The following SLC7A8 variants were observed in gnomAD, a reference collection of about 807,000 sequenced individuals.
SLC7A8 encodes the protein large neutral amino acids transporter small subunit 2.
A neutral mutation model predicts 51.2 loss-of-function variants in SLC7A8; 30 were observed. That is an observed-to-expected ratio of 0.59 (90% CI 0.44 to 0.80). The LOEUF is 0.80. Among genes scored for constraint, SLC7A8 ranks in the 30% least tolerant of loss-of-function variants. The pLI is 0.00. For missense variants in SLC7A8, 612 were observed against 674.4 expected (o/e 0.91, Z 1.03); for synonymous variants, 257 against 275.8 (o/e 0.93, Z 0.67).
At chr14:23,166,259 T>C (rs896030301) in intron 2 of SLC7A8, 77 bp downstream of exon 2, 2 of 1,535,750 alleles carry the variant, frequency 1.3e-6, no homozygotes, top group Non-Finnish European at 1.8e-6. Context: ...TGGCCTTGGC[T>C]TTTTCCAATC....
intron 4 of SLC7A8, among the ~76,000 whole-genome samples, chr14:23,142,475 T>C (rs1171282057): frequency 6.6e-6 from 1 of 152,140 alleles, no homozygotes; most frequent in Non-Finnish European, 1.5e-5. Flanking sequence ...AAAAAGACAA[T>C]AGGAATCTAG....
intron 3 of SLC7A8, among the ~76,000 whole-genome samples, chr14:23,152,229 A>G (rs1201532938): frequency 1.3e-5 from 2 of 152,026 alleles, no homozygotes; most frequent in East Asian, 3.9e-4. Flanking sequence ...TCCTGGGCTC[A>G]AGCAGTCCTC....
chr14:23,129,672 G>C lies in SLC7A8; in HGVS notation c.1241C>G (p.Pro414Arg). ...AGQIVLRWKKPDIPRPIKINL... is the reference protein window; with the variant it reads ...AGQIVLRWKKRDIPRPIKINL... ...CACCTTGATGGGGCGGGGGATATCA[G>C]GCTTCTTCCAGCGAAGGACTATCTG... Residue 414 changes from proline to arginine, a missense_variant, in exon 9 of 11, where the codon CCT becomes CGT. Physicochemically the swap from Pro to Arg is moderately radical, Grantham distance 103 (BLOSUM62 -2). Coordinates refer to ENST00000316902, the MANE Select transcript of SLC7A8 (RefSeq NM_012244.4). 1 of 1,614,170 alleles carries C rather than the reference G, an allele frequency of 6.2e-7. No individual in the cohort carries two copies. Among genetic ancestry groups the C allele is most frequent in the East Asian group, 2.2e-5 (1 of 44,884 alleles).
chr14:23,154,368 G>A, intron 3 of SLC7A8: 2 of 999,278 alleles, frequency 2.0e-6, no homozygotes, highest in Non-Finnish European at 2.4e-6. Context: ...CCTCCCAGCA[G>A]CCCTCTGGGT....
In SLC7A8 at chr14:23,143,160, G is replaced by A. The variant is rs554159244; in HGVS notation, c.553C>T (p.Arg185Trp). 1.2e-5 allele frequency: 20 copies of A among 1,614,172 alleles called. No homozygotes were observed. The highest frequency in any genetic ancestry group is 9.3e-5 in the African/African-American group (7 of 75,052). ...CCAGCTGTGAAGATGTCTTGAACCC[G>A]GGTGGCCCACCGCACACTGGAACAG... ...VNCSSVRWAT[R>W]VQDIFTAGKL... The change falls in exon 4 of 11, where the codon CGG becomes TGG. Residue 185 changes from arginine (R) to tryptophan (W), a missense_variant. Arg to Trp is a moderately radical substitution (Grantham distance 101, BLOSUM62 -3). Coordinates refer to ENST00000316902, the MANE Select transcript of SLC7A8 (RefSeq NM_012244.4).
intron 1 of SLC7A8, among the ~76,000 whole-genome samples, chr14:23,168,690 T>A (rs933712623): frequency 6.6e-6 from 1 of 152,102 alleles, no homozygotes; most frequent in East Asian, 1.9e-4. Context: ...AGAGGGAAAA[T>A]GAGGATGGGT....
intron 7 of SLC7A8, among the ~76,000 whole-genome samples, chr14:23,132,065 T>C (rs868712119): frequency 2.0e-5 from 3 of 147,022 alleles, no homozygotes; most frequent in Middle Eastern, 3.6e-3. Flanking sequence ...AGTGCAGTGC[T>C]GCAATCTCGG....
rs989789434 is a variant in SLC7A8 at position 23,180,316 on chromosome 14, C to T, written c.151+2448G>A. Among the ~76,000 whole-genome samples, 21 of 152,158 alleles carry T rather than the reference C, an allele frequency of 1.4e-4. No homozygotes were observed. In the East Asian group the frequency reaches 4.0e-3, roughly 29 times the overall value. On this transcript the variant is annotated intron_variant, in intron 1 of 10. Transcript: ENST00000316902. ...CTATTTTTGCATTTGGTCTTGAAAA[C>T]ACTTGAATCACGATCATCCACTGAG...
chr14:23,131,033 A>G (rs1216213824), intron 8 of SLC7A8, among the ~76,000 whole-genome samples: 3 of 152,324 alleles, frequency 2.0e-5, no homozygotes, highest in East Asian at 3.9e-4. Flanking sequence ...ATGTTTCCCA[A>G]GAGACTGGCA....
chr14:23,131,745 C>A (rs1171346416), intron 7 of SLC7A8, among the ~76,000 whole-genome samples, 188 bp from the exon 8 acceptor site: 1 of 152,206 alleles, frequency 6.6e-6, no homozygotes, highest in Non-Finnish European at 1.5e-5. Context: ...GCAAGCAAAC[C>A]AGAGGCAGCC....
chr14:23,149,010 C>T (rs1820169039), intron 3 of SLC7A8, among the ~76,000 whole-genome samples: 1 of 152,126 alleles, frequency 6.6e-6, no homozygotes, highest in Non-Finnish European at 1.5e-5. Flanking sequence ...CACCAGGAGC[C>T]CAAAAGAGTG....
chr14:23,168,790 G>C (rs897093636), intron 1 of SLC7A8, among the ~76,000 whole-genome samples: 1 of 152,190 alleles, frequency 6.6e-6, no homozygotes, highest in African/African-American at 2.4e-5. Context: ...GCAGGGATCA[G>C]TAAGTGCTTC....
At chr14:23,147,104 TCATAGATCCATTCAC>T (rs2048802785) in intron 3 of SLC7A8, among the ~76,000 whole-genome samples, 1 of 151,366 alleles carries the variant, frequency 6.6e-6, no homozygotes, top group Non-Finnish European at 1.5e-5. Context: ...CATCCATCCA[TCATAGATCCATTCAC>T]CCATCCACCC....
chr14:23,127,300 G>T lies in SLC7A8; in HGVS notation c.1485C>A (p.Tyr495Ter). ...TCCCTGAGCCCCGCTCCACCTCGGG[G>T]TACACGACCACACACATCTTCTGGC... ...LVSQKMCVVVYPEVERGSGTE... is the reference protein window; with the variant it reads ...LVSQKMCVVV The change falls in exon 11 of 11, where the codon TAC becomes TAA. Residue 495 changes from tyrosine (Y) to a stop codon, truncating the protein, a stop_gained. Coordinates refer to ENST00000316902, the MANE Select transcript of SLC7A8 (RefSeq NM_012244.4). LOFTEE classifies it low-confidence loss of function (END_TRUNC). 1.2e-6 allele frequency: 2 copies of T among 1,614,072 alleles called. No homozygotes were observed. Among genetic ancestry groups the T allele is most frequent in the Non-Finnish European group, 1.7e-6 (2 of 1,179,964 alleles).
intron 3 of SLC7A8, among the ~76,000 whole-genome samples, chr14:23,161,580 G>A (rs2048922538): frequency 7.4e-6 from 1 of 135,478 alleles, no homozygotes; most frequent in African/African-American, 2.7e-5. Flanking sequence ...GAGGAGGGCT[G>A]GATGATGGTG....
chr14:23,178,910 T>A (rs79755525), intron 1 of SLC7A8, among the ~76,000 whole-genome samples: 9,554 of 103,552 alleles, frequency 0.092, 546 homozygotes, highest in African/African-American at 0.24. Flanking sequence ...AAAAAAAAAA[T>A]GAAGATGAGG....
chr14:23,147,231 A>T (rs542292532), intron 3 of SLC7A8, among the ~76,000 whole-genome samples: 2 of 150,712 alleles, frequency 1.3e-5, no homozygotes, highest in Non-Finnish European at 3.0e-5. Flanking sequence ...CCATCCATCC[A>T]TCTGTCTATC....
intron 7 of SLC7A8, among the ~76,000 whole-genome samples, chr14:23,132,159 A>G (rs1050071765): frequency 6.6e-6 from 1 of 151,818 alleles, no homozygotes. Context: ...GTGTGCCACC[A>G]TGCCCAGCTA....
chr14:23,183,137 TAAA>T lies in SLC7A8; in HGVS notation c.-226_-224del, dbSNP rs60162914. 1,303 of 91,010 alleles carry T rather than the reference TAAA, an allele frequency of 0.014. 11 individuals are homozygous for T. The highest frequency in any genetic ancestry group is 0.073 in the South Asian group (221 of 3,026). 5.6% of individuals were successfully genotyped at this position (91,010 alleles called of 1,614,324 possible). A position where few individuals can be genotyped will look rare whatever the true frequency, so the allele number is the denominator to read the frequency against. ...CGTTTACAAACAAGAAAAGTGTTGC[TAAA>T]AAAAAAAAAAAAAAAAAAGGCCAGG... On this transcript the variant is annotated 5_prime_UTR_variant, in exon 1 of 11. It introduces an in-frame stop codon into an upstream open reading frame of the 5' UTR. Transcript: ENST00000316902.
Sources: allele counts gnomAD v4.1 joint callset (sites outside exome capture counted in the v4.1 genomes callset), GRCh38; gene constraint gnomAD v4.1.1; transcripts MANE v1.5; gene names NCBI Gene and HGNC (gene_info 2026-07-23, HGNC 2026-07-21).